Variants in NCOA2 observed in about 807,000 individuals in gnomAD.
NCOA2 encodes class E basic helix-loop-helix protein 75.
Under a neutral mutation model 145.1 loss-of-function variants are expected in NCOA2, and 21 were observed. That is an observed-to-expected ratio of 0.14 (90% CI 0.10 to 0.21). The LOEUF is 0.21. Ranked by LOEUF, NCOA2 falls within the 10% of genes least tolerant of loss-of-function variation. The pLI, the probability that NCOA2 is intolerant of heterozygous loss-of-function variation, is 1.00. For synonymous variants in NCOA2, 619 were observed against 637.5 expected (o/e 0.97, Z 0.44); for missense variants, 1,472 against 1,837.6 (o/e 0.80, Z 3.64).
intron 6 of NCOA2, among the ~76,000 whole-genome samples, chr8:70,167,822 G>T (rs189846601): frequency 6.6e-6 from 1 of 152,162 alleles, no homozygotes; most frequent in East Asian, 1.9e-4. Flanking sequence ...ATAAAACAAT[G>T]ACTGATTTTG....
intron 1 of NCOA2, among the ~76,000 whole-genome samples, chr8:70,301,044 G>A (rs1174405313): frequency 3.3e-5 from 5 of 152,180 alleles, no homozygotes; most frequent in African/African-American, 1.2e-4. Flanking sequence ...ACAAGAGTCT[G>A]ACTCTGGAGT....
At chr8:70,291,865 C>T (rs542432950) in intron 2 of NCOA2, among the ~76,000 whole-genome samples, 7 of 152,098 alleles carry the variant, frequency 4.6e-5, no homozygotes, top group African/African-American at 1.4e-4. Context: ...TTTGGGAGGC[C>T]GAGGCGGGCG....
At chr8:70,330,471 T>TGA (rs1806995514) in intron 1 of NCOA2, among the ~76,000 whole-genome samples, 1 of 151,114 alleles carries the variant, frequency 6.6e-6, no homozygotes, top group Non-Finnish European at 1.5e-5. Flanking sequence ...CTCAGGAGGC[T>TGA]GAGATGGAAA....
intron 2 of NCOA2, among the ~76,000 whole-genome samples, chr8:70,248,994 G>T (rs114187880): frequency 2.6e-5 from 4 of 151,908 alleles, no homozygotes; most frequent in Non-Finnish European, 4.4e-5. Flanking sequence ...TTCTGACGTG[G>T]TTCTGCAAGA....
intron 4 of NCOA2, among the ~76,000 whole-genome samples, chr8:70,213,378 A>C (rs1185762139): frequency 6.6e-6 from 1 of 152,226 alleles, no homozygotes; most frequent in Non-Finnish European, 1.5e-5. Flanking sequence ...GTCATGTTCT[A>C]TGTTTCAAGT....
chr8:70,144,137 G>T (rs1002811432), intron 13 of NCOA2, among the ~76,000 whole-genome samples: 14 of 152,198 alleles, frequency 9.2e-5, no homozygotes, highest in Non-Finnish European at 1.9e-4. Context: ...AAAGGGAGCT[G>T]GGGACCAGAT....
chr8:70,191,204 T>C (rs1816637328), intron 4 of NCOA2, among the ~76,000 whole-genome samples: 1 of 152,262 alleles, frequency 6.6e-6, no homozygotes, highest in Non-Finnish European at 1.5e-5. Flanking sequence ...AGCCTTATTG[T>C]GTCCTATAGG....
chr8:70,224,524 A>C (rs567328951), intron 2 of NCOA2, among the ~76,000 whole-genome samples: 1 of 152,234 alleles, frequency 6.6e-6, no homozygotes, highest in African/African-American at 2.4e-5. Flanking sequence ...TGGGCAATAA[A>C]AACAGTGTCT....
intron 4 of NCOA2, among the ~76,000 whole-genome samples, chr8:70,205,629 A>C (rs1818355556): frequency 6.6e-6 from 1 of 152,094 alleles, no homozygotes; most frequent in South Asian, 2.1e-4. Flanking sequence ...GCATTCCCAA[A>C]CAGAAGACCC....
chr8:70,207,884 A>AG (rs1202540329), intron 4 of NCOA2, among the ~76,000 whole-genome samples: 6 of 144,256 alleles, frequency 4.2e-5, no homozygotes, highest in African/African-American at 5.1e-5. Flanking sequence ...AAAAAAAAAA[A>AG]AAGAAGAAGA....
chr8:70,177,193 C>G (rs1420066558), intron 4 of NCOA2, among the ~76,000 whole-genome samples: 1 of 152,128 alleles, frequency 6.6e-6, no homozygotes, highest in African/African-American at 2.4e-5. Context: ...AGACAACCTC[C>G]CTGGAGGGGG....
intron 2 of NCOA2, among the ~76,000 whole-genome samples, chr8:70,220,918 A>G (rs916514090): frequency 6.6e-6 from 1 of 152,174 alleles, no homozygotes; most frequent in Admixed American, 6.5e-5. Flanking sequence ...CAAACATAAT[A>G]AAGTGATCGA....
the NCOA2 span, among the ~76,000 whole-genome samples, chr8:70,411,305 T>C: frequency 6.6e-6 from 1 of 152,142 alleles, no homozygotes; most frequent in African/African-American, 2.4e-5. Flanking sequence ...AAAAATGGCA[T>C]AAAGATTGCT....
At chr8:70,350,762 T>C (rs984761832) in intron 1 of NCOA2, among the ~76,000 whole-genome samples, 4 of 152,226 alleles carry the variant, frequency 2.6e-5, no homozygotes, top group Admixed American at 2.6e-4. Flanking sequence ...AATAATTTGT[T>C]TTATTCTAAA....
chr8:70,402,579 G>C (rs1469826633), intron 1 of NCOA2: 1 of 152,094 alleles, frequency 6.6e-6, no homozygotes, highest in South Asian at 2.1e-4. Context: ...GACGACCCCG[G>C]CCCCCTCCCC....
chr8:70,456,280 G>A, the NCOA2 span, among the ~76,000 whole-genome samples: 1 of 152,110 alleles, frequency 6.6e-6, no homozygotes, highest in South Asian at 2.1e-4. Flanking sequence ...AAAAGAATAA[G>A]GGCTAAATTT....
intron 1 of NCOA2, among the ~76,000 whole-genome samples, chr8:70,397,120 A>G (rs1275758975): frequency 3.9e-5 from 6 of 152,166 alleles, no homozygotes; most frequent in Admixed American, 2.6e-4. Context: ...TGCTATTATC[A>G]TTTATGTTAT....
chr8:70,409,779 A>T, the NCOA2 span, among the ~76,000 whole-genome samples: 1 of 152,160 alleles, frequency 6.6e-6, no homozygotes, highest in African/African-American at 2.4e-5. Context: ...CTGAGGCAGA[A>T]GGATCACTTA....
intron 1 of NCOA2, among the ~76,000 whole-genome samples, chr8:70,332,660 A>G (rs947483589): frequency 1.3e-5 from 2 of 152,208 alleles, no homozygotes; most frequent in Admixed American, 6.5e-5. Flanking sequence ...GATTTTTAAC[A>G]GCAAATTTTG....
Sources: gnomAD v4.1 joint callset for allele counts (sites outside exome capture counted in the v4.1 genomes callset) on GRCh38, gnomAD v4.1.1 for gene constraint, MANE v1.5 for transcripts, NCBI Gene and HGNC (gene_info 2026-07-23, HGNC 2026-07-21) for gene names.